NTN1: variants seen among roughly 807,000 people sequenced by gnomAD.
NTN1 encodes netrin 1, also known as netrin-1.
A neutral mutation model predicts 54.2 loss-of-function variants in NTN1; 11 were observed. The ratio of observed to expected loss-of-function variants is 0.20; its 90% CI spans 0.13 to 0.34. The LOEUF is 0.34. Among genes scored for constraint, NTN1 ranks in the 10% least tolerant of loss-of-function variants. The probability of loss-of-function intolerance (pLI) is 1.00; values close to 1 mark genes in which losing one functional copy is unlikely to be tolerated. For missense variants in NTN1, 740 were observed against 893.1 expected, an observed-to-expected ratio of 0.83 and a Z score of 2.18; for synonymous variants, 371 against 382.0, an observed-to-expected ratio of 0.97 and a Z score of 0.33.
intron 2 of NTN1, among the ~76,000 whole-genome samples, chr17:9,048,098 C>T (rs544857197): frequency 3.3e-5 from 5 of 152,268 alleles, no homozygotes; most frequent in Admixed American, 6.5e-5. Context: ...ATCTGTGCAG[C>T]TATAGCCTTA....
chr17:9,044,234 CTT>C (rs11327209), intron 2 of NTN1, among the ~76,000 whole-genome samples: 10 of 149,186 alleles, frequency 6.7e-5, no homozygotes, highest in Admixed American at 1.3e-4. Context: ...GTTTCCGGTA[CTT>C]TTTTTTTTTC....
At chr17:9,010,923 A>G in the NTN1 span, among the ~76,000 whole-genome samples, 1 of 152,090 alleles carries the variant, frequency 6.6e-6, no homozygotes, top group Non-Finnish European at 1.5e-5. Context: ...TAATTATACA[A>G]TTCACCATCA....
rs1041010941 is a variant in NTN1, at chr17:9,131,356, G to A, written c.1019-31457G>A. 6.6e-5 allele frequency among the ~76,000 whole-genome samples: 10 copies of A among 152,146 alleles called. 1 individual carries two copies. Among genetic ancestry groups the A allele is most frequent in the Admixed American group, 6.5e-4 (10 of 15,272 alleles). On this transcript the variant is annotated intron_variant, in intron 2 of 6. Transcript: ENST00000173229. The stretch of plus-strand genomic sequence containing the variant: ...GTTCATTGTTTCTCTTCAATCACGA[G>A]AAACAGGGATTTTTGTCTGTTTTGT...
intron 2 of NTN1, among the ~76,000 whole-genome samples, chr17:9,139,508 C>T (rs770398119): frequency 9.9e-5 from 15 of 152,152 alleles, no homozygotes; most frequent in African/African-American, 2.9e-4. Flanking sequence ...AAGGAGTCCA[C>T]GCTGCCCTCT....
chr17:9,203,238 C>T (rs1281207664), intron 5 of NTN1, among the ~76,000 whole-genome samples: 1 of 152,086 alleles, frequency 6.6e-6, no homozygotes, highest in Non-Finnish European at 1.5e-5. Context: ...TAATTTTCTG[C>T]CTCTTCTTTG....
At chr17:9,195,872 A>G (rs1339824455) in intron 5 of NTN1, among the ~76,000 whole-genome samples, 1 of 152,190 alleles carries the variant, frequency 6.6e-6, no homozygotes, top group African/African-American at 2.4e-5. Context: ...AAACTGCTCC[A>G]GACTTAAAGA....
intron 2 of NTN1, among the ~76,000 whole-genome samples, chr17:9,099,080 A>C (rs2092140998): frequency 1.3e-5 from 2 of 152,180 alleles, no homozygotes; most frequent in South Asian, 4.1e-4. Flanking sequence ...CACTTTGTCC[A>C]TGTTGTTAAA....
chr17:9,049,870 G>A (rs1389644021), intron 2 of NTN1, among the ~76,000 whole-genome samples: 1 of 152,168 alleles, frequency 6.6e-6, no homozygotes, highest in Non-Finnish European at 1.5e-5. Flanking sequence ...TAATATCTGG[G>A]GGAAACTGAA....
chr17:9,120,204 G>A lies in NTN1; in HGVS notation c.1019-42609G>A, dbSNP rs368747040. ...GGAGGCTAAGGCAGGAGAATGGCAT[G>A]AACCCGGGAGGCAGAGCTTGCAGTG... On this transcript the variant is annotated intron_variant, in intron 2 of 6. Transcript: ENST00000173229. 6.0e-5 allele frequency among the ~76,000 whole-genome samples: 9 copies of A among 150,544 alleles called. No individual in the cohort carries two copies. The East Asian group carries it at 1.4e-3, about 23-fold the overall frequency.
At chr17:9,184,532 A>T (rs1047574006) in intron 5 of NTN1, among the ~76,000 whole-genome samples, 3 of 152,162 alleles carry the variant, frequency 2.0e-5, no homozygotes, top group African/African-American at 7.2e-5. Context: ...TCCTTGCCTA[A>T]CTGAGACTCA....
chr17:9,070,600 A>AT (rs908289105), intron 2 of NTN1, among the ~76,000 whole-genome samples: 8 of 151,632 alleles, frequency 5.3e-5, no homozygotes, highest in South Asian at 2.1e-4. Context: ...TCACATTTTT[A>AT]TTTTTTTTGA....
At chr17:9,145,430 C>A (rs927401753) in intron 2 of NTN1, among the ~76,000 whole-genome samples, 1 of 152,208 alleles carries the variant, frequency 6.6e-6, no homozygotes, top group African/African-American at 2.4e-5. Flanking sequence ...CCAACTGAGT[C>A]ACAGGGTGGA....
At chr17:9,140,122 C>T (rs2092293410) in intron 2 of NTN1, among the ~76,000 whole-genome samples, 1 of 152,014 alleles carries the variant, frequency 6.6e-6, no homozygotes. Context: ...AAGTGATGGC[C>T]ACTCTGAAGA....
chr17:9,207,527 A>G (rs1485949679), intron 5 of NTN1, among the ~76,000 whole-genome samples: 1 of 152,146 alleles, frequency 6.6e-6, no homozygotes, highest in Non-Finnish European at 1.5e-5. Context: ...AGGTTCAGAG[A>G]AGTGCAGCAA....
At chr17:9,100,813 C>T (rs2092148246) in intron 2 of NTN1, among the ~76,000 whole-genome samples, 1 of 152,062 alleles carries the variant, frequency 6.6e-6, no homozygotes, top group South Asian at 2.1e-4. Flanking sequence ...TTTATGTCAT[C>T]CTGTCAGTTA....
At chr17:9,110,461 G>C (rs953445127) in intron 2 of NTN1, among the ~76,000 whole-genome samples, 1 of 151,982 alleles carries the variant, frequency 6.6e-6, no homozygotes. Flanking sequence ...GTAGAAACAG[G>C]GTTTCACCAT....
chr17:9,082,497 A>G lies in NTN1; in HGVS notation c.1018+59106A>G, dbSNP rs566809830. Among the ~76,000 whole-genome samples, 22 of 152,340 alleles carry G rather than the reference A, an allele frequency of 1.4e-4. No homozygotes were observed. The South Asian group carries it at 4.6e-3, about 32-fold the overall frequency. ...TTGCAGTTGAGTTTTCATAGAAACA[A>G]CCACACTTTTCACACTGTTTTAAAT... On this transcript the variant is annotated intron_variant, in intron 2 of 6. Transcript: ENST00000173229.
intron 6 of NTN1, among the ~76,000 whole-genome samples, chr17:9,233,347 C>T (rs1396745317): frequency 6.6e-6 from 1 of 152,062 alleles, no homozygotes; most frequent in Non-Finnish European, 1.5e-5. Context: ...TCCCAACAGG[C>T]AGATGAATGG....
chr17:9,133,754 ATTTTT>A lies in NTN1; in HGVS notation c.1019-29043_1019-29039del, dbSNP rs57053201. On this transcript the variant is annotated intron_variant, in intron 2 of 6. Coordinates refer to ENST00000173229, the MANE Select transcript of NTN1 (RefSeq NM_004822.3). ...AGGTGCGCACCACCATGCCCAGCTAATTTTTTTTTTTTTTTTTTTTGTATTTTAGT... is the reference window on the plus strand; with the variant it reads ...AGGTGCGCACCACCATGCCCAGCTAATTTTTTTTTTTTTTTGTATTTTAGT... Among the ~76,000 whole-genome samples the A allele has an allele frequency of 3.6e-3, 372 of 104,528 alleles. 1 individual carries two copies. The highest frequency in any genetic ancestry group is 4.4e-3 in the Non-Finnish European group (246 of 55,456). The allele number at this position is 104,528 out of a possible 152,430, so 68.6% of individuals were successfully genotyped here. A position where few individuals can be genotyped will look rare whatever the true frequency, so the allele number is the denominator to read the frequency against.
Sources: allele counts gnomAD v4.1 joint callset (sites outside exome capture counted in the v4.1 genomes callset), GRCh38; gene constraint gnomAD v4.1.1; transcripts MANE v1.5; gene names NCBI Gene and HGNC (gene_info 2026-07-23, HGNC 2026-07-21).